CDK4: variants seen among roughly 807,000 people sequenced by gnomAD.
CDK4 encodes the protein cyclin-dependent kinase 4.
A neutral mutation model predicts 36.7 loss-of-function variants in CDK4; 13 were observed. The ratio of observed to expected loss-of-function variants is 0.35; its 90% CI spans 0.23 to 0.56. The LOEUF (loss-of-function observed/expected upper bound fraction) is 0.56, where lower values mean the gene tolerates loss of function less well. Among genes scored for constraint, CDK4 ranks in the 20% least tolerant of loss-of-function variants. The probability of loss-of-function intolerance (pLI) is 0.85; values close to 1 mark genes in which losing one functional copy is unlikely to be tolerated. For missense variants in CDK4, 285 were observed against 387.3 expected, an observed-to-expected ratio of 0.74 and a Z score of 2.22; for synonymous variants, 158 against 146.4, an observed-to-expected ratio of 1.08 and a Z score of -0.57.
At chr12:57,750,799 A>C (rs921782589) in intron 4 of CDK4, 34 bp from the exon 5 acceptor site, 1 of 1,591,976 alleles carries the variant, frequency 6.3e-7, no homozygotes, top group Non-Finnish European at 8.6e-7. Context: ...TGGGGACCCC[A>C]TGGGTTACCA....
chr12:57,749,560 T>C (rs1955207589), intron 5 of CDK4, 56 bp from the exon 6 acceptor site: 2 of 1,522,136 alleles, frequency 1.3e-6, no homozygotes, highest in South Asian at 1.1e-5. Flanking sequence ...CTTAGTTGAA[T>C]GGTTACTGCT....
At chr12:57,749,373 G>C (rs2140383438) in intron 6 of CDK4, 56 bp from the exon 7 acceptor site, 2 of 1,613,532 alleles carry the variant, frequency 1.2e-6, no homozygotes, top group Non-Finnish European at 1.7e-6. Context: ...CATCCCCATG[G>C]GCAGAGCCAG....
chr12:57,749,603 AG>A, intron 5 of CDK4, 99 bp from the exon 6 acceptor site: 1 of 1,177,448 alleles, frequency 8.5e-7, no homozygotes, highest in Non-Finnish European at 1.3e-6. Flanking sequence ...TAGGGAATAA[AG>A]GCCAACAATT....
chr12:57,751,761 A>G lies in CDK4; in HGVS notation c.-19-25T>C. ...CCTACAATCACAGACTCCTATCACC[A>G]AAAGTCGCTTACAGAGTTAGGATGG... On this transcript the variant is annotated intron_variant, in intron 1 of 7. Transcript: ENST00000257904. This position sits in a 1 kb window ranked among gnomAD's most constrained non-coding sequence, Gnocchi z 4.5. 1.9e-6 allele frequency: 3 copies of G among 1,577,518 alleles called. No individual in the cohort carries two copies. Among genetic ancestry groups the G allele is most frequent in the South Asian group, 1.1e-5 (1 of 89,836 alleles).
At chr12:57,750,261 A>G (rs1955220562) in intron 5 of CDK4, 1 of 232,578 alleles carries the variant, frequency 4.3e-6, no homozygotes, top group Middle Eastern at 1.7e-3. Flanking sequence ...GCTTTCTGCT[A>G]TGGGCAAGTT....
intron 5 of CDK4, 117 bp from the exon 6 acceptor site, chr12:57,749,621 C>A: frequency 1.0e-6 from 1 of 983,222 alleles, no homozygotes; most frequent in Admixed American, 1.9e-5. Context: ...AATTCCAGCA[C>A]TTTGGGATGC....
At chr12:57,749,156 C>T (rs1565805579) in intron 7 of CDK4, 26 bp downstream of exon 7, 1 of 1,613,992 alleles carries the variant, frequency 6.2e-7, no homozygotes, top group Non-Finnish European at 8.5e-7. Context: ...TATTTCTTTC[C>T]CTGTGCCCAC....
In CDK4 at chr12:57,750,652, A is replaced by C. The variant is rs1397979744; in HGVS notation, c.632+4T>G. 6.2e-7 allele frequency: 1 copy of C among 1,601,876 alleles called. No homozygotes were observed. Among genetic ancestry groups the C allele is most frequent in the Non-Finnish European group, 8.6e-7 (1 of 1,168,762 alleles). On this transcript the variant is annotated splice_donor_region_variant and intron_variant, in intron 5 of 7. Coordinates refer to ENST00000257904, the MANE Select transcript of CDK4 (RefSeq NM_000075.4). ...AGGTAGTCCAGGGTATGTGGGTCCC[A>C]TACTTTCGACGAAACATCTCTGCAA...
Position 57,752,222 on chromosome 12 carries a change from C to T in CDK4, c.-67G>A, listed in dbSNP as rs905496293. ...TGGGGGCGGCCCGTTATCGGGGCCC[C>T]GGAGCCGGTTCCTACGGCCCCATAC... On this transcript the variant is annotated 5_prime_UTR_variant, in exon 1 of 8. Transcript: ENST00000257904. 12 of 243,560 alleles carry T rather than the reference C, an allele frequency of 4.9e-5. No individual in the cohort carries two copies. The highest frequency in any genetic ancestry group is 2.6e-4 in the Admixed American group (5 of 19,184). 15.1% of individuals were successfully genotyped at this position (243,560 alleles called of 1,614,324 possible).
rs2140387114 is a variant in CDK4 at position 57,751,186 on chromosome 12, A to G, written c.354+21T>C. On this transcript the variant is annotated intron_variant, in intron 3 of 7. Transcript: ENST00000257904. The surrounding 1 kb of genome is among the most constrained non-coding windows in gnomAD (Gnocchi z 4.5). ...TACAAAGGTCCCAATCCACCTCTCA[A>G]TGCCTACCAACCCCACTCACCTTGA... 6.2e-7 allele frequency: 1 copy of G among 1,614,062 alleles called. No homozygotes were observed. Among genetic ancestry groups the G allele is most frequent in the Non-Finnish European group, 8.5e-7 (1 of 1,179,998 alleles).
At position 57,750,562 on chromosome 12, in the gene CDK4, G is replaced by C. The variant is rs754370084; in HGVS notation, c.632+94C>G. ...AGCCTGGGCAACACAGCAAGCCCTG[G>C]TCTCAAAAAAAAAGAATGGGCAAGG... On this transcript the variant is annotated intron_variant, in intron 5 of 7. Transcript: ENST00000257904. 3 of 880,604 alleles carry C rather than the reference G, an allele frequency of 3.4e-6. No homozygotes were observed. The East Asian group carries it at 7.3e-5, about 21-fold the overall frequency. The allele number at this position is 880,604 out of a possible 1,614,324, so 54.5% of individuals were successfully genotyped here.
intron 7 of CDK4, 92 bp downstream of exon 7, chr12:57,749,090 T>G (rs1328402722): frequency 6.6e-7 from 1 of 1,515,864 alleles, no homozygotes; most frequent in Non-Finnish European, 9.2e-7. Flanking sequence ...CAACCAAGTT[T>G]CATTAACCAC....
chr12:57,749,834 T>A (rs1955211777), intron 5 of CDK4: 3 of 380,976 alleles, frequency 7.9e-6, no homozygotes, highest in Non-Finnish European at 1.5e-5. Context: ...CTGTCATTAC[T>A]AAAAGTACAA....
rs1381817021 is a variant in CDK4 at position 57,751,827 on chromosome 12, G to A, written c.-19-91C>T. On this transcript the variant is annotated intron_variant, in intron 1 of 7. Coordinates refer to ENST00000257904, the MANE Select transcript of CDK4 (RefSeq NM_000075.4). The surrounding 1 kb of genome is among the most constrained non-coding windows in gnomAD (Gnocchi z 4.5). ...ACAAAGGGACTCCCAAAAAAAAAGCGCAAAGAACACCACCAGCATCCCATC... is the reference window on the plus strand; with the variant it reads ...ACAAAGGGACTCCCAAAAAAAAAGCACAAAGAACACCACCAGCATCCCATC... The A allele has an allele frequency of 3.4e-6, 3 of 889,726 alleles. No homozygotes were observed. The highest frequency in any genetic ancestry group is 1.4e-5 in the South Asian group (1 of 69,756). The allele number at this position is 889,726 out of a possible 1,614,324, so 55.1% of individuals were successfully genotyped here.
chr12:57,748,700 TC>T, intron 7 of CDK4, 83 bp from the exon 8 acceptor site: 1 of 910,960 alleles, frequency 1.1e-6, no homozygotes, highest in Non-Finnish European at 1.8e-6. Context: ...TGAGCTTTCT[TC>T]TTTTTTCTTT....
intron 5 of CDK4, chr12:57,749,935 T>C (rs1032654801): frequency 1.9e-5 from 5 of 265,540 alleles, no homozygotes; most frequent in Non-Finnish European, 3.7e-5. Context: ...AGGTGGAGGT[T>C]GCAGTGAGCA....
chr12:57,749,535 C>A (rs1281743961), intron 5 of CDK4, 31 bp from the exon 6 acceptor site: 1 of 1,607,284 alleles, frequency 6.2e-7, no homozygotes, highest in Non-Finnish European at 8.5e-7. Context: ...AGGTAGCAGT[C>A]ATTTTCAAAG....
chr12:57,750,824 C>T, intron 4 of CDK4, 59 bp from the exon 5 acceptor site: 1 of 1,592,666 alleles, frequency 6.3e-7, no homozygotes, highest in Non-Finnish European at 8.6e-7. Context: ...ACACAACTTG[C>T]TTGACTGAAC....
chr12:57,751,744 C>T lies in CDK4; in HGVS notation c.-19-8G>A, dbSNP rs1467774617. 3 of 1,604,252 alleles carry T rather than the reference C, an allele frequency of 1.9e-6. No homozygotes were observed. The highest frequency in any genetic ancestry group is 2.6e-6 in the Non-Finnish European group (3 of 1,171,668). ...CTCAGATCAAGGGAGACCCTACAAT[C>T]ACAGACTCCTATCACCAAAAGTCGC... On this transcript the variant is annotated splice_region_variant and splice_polypyrimidine_tract_variant and intron_variant, in intron 1 of 7. Transcript: ENST00000257904. The surrounding 1 kb of genome is among the most constrained non-coding windows in gnomAD (Gnocchi z 4.5).
Sources: allele counts gnomAD v4.1 joint callset, GRCh38; gene constraint gnomAD v4.1.1; non-coding constraint Gnocchi (gnomAD v3.1); transcripts MANE v1.5; gene names NCBI Gene and HGNC (gene_info 2026-07-23, HGNC 2026-07-21).